Variants in LRRIQ4 observed in about 807,000 individuals in gnomAD.
LRRIQ4 encodes the protein leucine rich repeats and IQ motif containing 4.
A neutral mutation model predicts 40.1 loss-of-function variants in LRRIQ4; 21 were observed. The ratio of observed to expected loss-of-function variants is 0.52; its 90% CI spans 0.37 to 0.75. The LOEUF (loss-of-function observed/expected upper bound fraction) is 0.75. Ranked by LOEUF, LRRIQ4 falls within the 30% of genes least tolerant of loss-of-function variation. LRRIQ4 has a pLI of 0.00. For missense variants in LRRIQ4, 655 were observed against 660.0 expected, an observed-to-expected ratio of 0.99 and a Z score of 0.08; for synonymous variants, 277 against 277.1, an observed-to-expected ratio of 1.00 and a Z score of 0.00.
chr3:169,821,703 A>G (rs1779894299), intron 1 of LRRIQ4, among the ~76,000 whole-genome samples, 188 bp from the exon 2 acceptor site: 1 of 152,032 alleles, frequency 6.6e-6, no homozygotes, highest in African/African-American at 2.4e-5. Flanking sequence ...ATGTGAGTCT[A>G]CGTGTTAGGG....
Position 169,822,618 on chromosome 3 carries a change from T to G in LRRIQ4, c.697T>G (p.Cys233Gly), listed in dbSNP as rs756169912. ...LPVLPASLCQ[C>G]SQLSVLDLSH... The stretch of plus-strand genomic sequence containing the variant: ...CGTTCTGCCCGCGTCCTTGTGCCAG[T>G]GTAGCCAACTGTCGGTGCTCGATTT... The change falls in exon 2 of 6, where the codon TGT (cysteine) becomes GGT (glycine). Residue 233 changes from cysteine to glycine, a missense_variant. Transcript: ENST00000340806. The G allele has an allele frequency of 6.2e-7, 1 of 1,613,964 alleles. No individual in the cohort carries two copies. The highest frequency in any genetic ancestry group is 1.1e-5 in the South Asian group (1 of 91,084).
At chr3:169,823,212 T>C (rs1382205364) in intron 2 of LRRIQ4, among the ~76,000 whole-genome samples, 1 of 152,194 alleles carries the variant, frequency 6.6e-6, no homozygotes, top group Non-Finnish European at 1.5e-5. Context: ...TCACAACGAC[T>C]GTGTCCTCAA....
At chr3:169,817,022 T>C (rs967213475) in intron 1 of LRRIQ4, among the ~76,000 whole-genome samples, 2 of 152,112 alleles carry the variant, frequency 1.3e-5, no homozygotes, top group Non-Finnish European at 2.9e-5. Flanking sequence ...TTAAGATGCA[T>C]CATTACATTG....
In LRRIQ4 at chr3:169,818,592, A is replaced by G. The variant is rs141306204; in HGVS notation, c.-31-3299A>G. 9.8e-5 allele frequency among the ~76,000 whole-genome samples: 15 copies of G among 152,354 alleles called. No individual in the cohort carries two copies. The East Asian group carries it at 1.3e-3, about 14-fold the overall frequency. On this transcript the variant is annotated intron_variant, in intron 1 of 5. Transcript: ENST00000340806. ...TTTATTTCCTGTTTTCAAGGCGAGA[A>G]AGGGAAGATTAGAATACACTTATTG... is the stretch of plus-strand genomic sequence containing the variant.
chr3:169,831,165 G>A (rs1024489805), intron 4 of LRRIQ4, among the ~76,000 whole-genome samples: 5 of 146,186 alleles, frequency 3.4e-5, no homozygotes, highest in Non-Finnish European at 7.4e-5. Flanking sequence ...CACTTAATAT[G>A]CTTTTGCTGA....
At position 169,837,622 on chromosome 3, in the gene LRRIQ4, A is replaced by G. The variant is rs531424559; in HGVS notation, c.1674A>G (p.Lys558=). ...TAAAAGGAAAACCAGGAAAGGGAAA[A>G]AAGAAATAATCCTGTAAATTGATAA... ...KDVKGKPGKG[K]KK Residue 558 remains lysine, a synonymous_variant, in exon 6 of 6, where the codon AAA becomes AAG. Transcript: ENST00000340806. 3.2e-6 allele frequency: 5 copies of G among 1,574,434 alleles called. No homozygotes were observed. In the South Asian group the frequency reaches 4.8e-5, roughly 15 times the overall value.
Position 169,823,642 on chromosome 3 carries a change from G to A in LRRIQ4, c.1020+701G>A, listed in dbSNP as rs574289414. The stretch of plus-strand genomic sequence containing the variant: ...ATTACAAGCGTGAGCCACCGCGCAC[G>A]GCCCAGGGTCTATATTCTTAACAAA... On this transcript the variant is annotated intron_variant, in intron 2 of 5. Coordinates refer to ENST00000340806, the MANE Select transcript of LRRIQ4 (RefSeq NM_001080460.3). Among the ~76,000 whole-genome samples, 5 of 152,228 alleles carry A rather than the reference G, an allele frequency of 3.3e-5. 1 individual carries two copies. Among genetic ancestry groups the A allele is most frequent in the African/African-American group, 7.2e-5 (3 of 41,546 alleles).
Position 169,822,432 on chromosome 3 carries a change from T to C in LRRIQ4, c.511T>C (p.Tyr171His). The change falls in exon 2 of 6, where the codon TAC (tyrosine) becomes CAC (histidine). Residue 171 changes from tyrosine to histidine, a missense_variant. By Grantham distance (83) the Tyr-to-His change is moderately conservative. Transcript: ENST00000340806. ...IVNQTKLREI[Y>H]LKRNQFEVFP... is the part of the protein sequence containing the mutation. ...GAACCAGACCAAGCTGAGGGAGATC[T>C]ACCTGAAGCGAAACCAGTTTGAAGT... 2 of 1,613,768 alleles carry C rather than the reference T, an allele frequency of 1.2e-6. No individual in the cohort carries two copies. The highest frequency in any genetic ancestry group is 1.7e-6 in the Non-Finnish European group (2 of 1,179,754).
At chr3:169,817,620 T>C (rs1040222356) in intron 1 of LRRIQ4, among the ~76,000 whole-genome samples, 2 of 152,240 alleles carry the variant, frequency 1.3e-5, no homozygotes, top group African/African-American at 4.8e-5. Context: ...CAGTGTTGGG[T>C]GCATGTATAT....
In LRRIQ4 at chr3:169,822,954, T is replaced by C. The variant is rs199936154; in HGVS notation, c.1020+13T>C. The C allele has an allele frequency of 4.7e-6, 7 of 1,502,674 alleles. No individual in the cohort carries two copies. The East Asian group carries it at 1.4e-4, about 30-fold the overall frequency. The allele number at this position is 1,502,674 out of a possible 1,614,324, so 93.1% of individuals were successfully genotyped here. A position where few individuals can be genotyped will look rare whatever the true frequency, so the allele number is the denominator to read the frequency against. ...TAAAATAGGACAGGTACGGATTCCT[T>C]TTCTGGCTGTCACTATGCTCTCATC... On this transcript the variant is annotated intron_variant, in intron 2 of 5. Coordinates refer to ENST00000340806, the MANE Select transcript of LRRIQ4 (RefSeq NM_001080460.3).
intron 2 of LRRIQ4, among the ~76,000 whole-genome samples, chr3:169,827,044 C>T (rs183241533): frequency 2.0e-5 from 3 of 152,222 alleles, no homozygotes; most frequent in East Asian, 3.9e-4. Flanking sequence ...CTGTCTATTC[C>T]ACCCATCCAT....
In LRRIQ4 at chr3:169,833,023, C is replaced by G. The variant is rs766569573; in HGVS notation, c.1370C>G (p.Thr457Ser). 1 of 1,613,356 alleles carries G rather than the reference C, an allele frequency of 6.2e-7. No individual in the cohort carries two copies. Among genetic ancestry groups the G allele is most frequent in the South Asian group, 1.1e-5 (1 of 90,760 alleles). The change falls in exon 5 of 6, where the codon ACC (threonine) becomes AGC (serine). Residue 457 changes from threonine to serine, a missense_variant. Coordinates refer to ENST00000340806, the MANE Select transcript of LRRIQ4 (RefSeq NM_001080460.3). ...TTACGGCTGGAGGACAACTTGCTCA[C>G]CCATCTTCCAGAGAATTTGGATTCC... ...KELRLEDNLL[T>S]HLPENLDSLV...
chr3:169,816,820 A>G (rs1190571663), intron 1 of LRRIQ4, among the ~76,000 whole-genome samples: 1 of 151,714 alleles, frequency 6.6e-6, no homozygotes, highest in Non-Finnish European at 1.5e-5. Flanking sequence ...ACAGGCACAC[A>G]CCACAATGCT....
intron 2 of LRRIQ4, among the ~76,000 whole-genome samples, chr3:169,828,357 C>T (rs912108988): frequency 2.6e-5 from 4 of 152,066 alleles, no homozygotes; most frequent in African/African-American, 9.7e-5. Context: ...CTCAGCCTCC[C>T]GAGTAGCTGG....
intron 1 of LRRIQ4, among the ~76,000 whole-genome samples, chr3:169,815,177 C>T (rs1036868670): frequency 2.6e-5 from 4 of 152,044 alleles, no homozygotes; most frequent in Non-Finnish European, 5.9e-5. Context: ...TGAAGAAGGT[C>T]TTTGGTATTT....
chr3:169,822,460 T>TC lies in LRRIQ4; in HGVS notation c.544dup (p.Gln182ProfsTer13), dbSNP rs1015470976. On this transcript the variant is annotated frameshift_variant, in exon 2 of 6. Coordinates refer to ENST00000340806, the MANE Select transcript of LRRIQ4 (RefSeq NM_001080460.3). LOFTEE classifies it high-confidence loss of function. ...CTGAAGCGAAACCAGTTTGAAGTTT[T>TC]CCCCCAGGAGCTCTGTGTTCTCTAC... 6.2e-7 allele frequency: 1 copy of TC among 1,613,764 alleles called. No individual in the cohort carries two copies. The highest frequency in any genetic ancestry group is 1.3e-5 in the African/African-American group (1 of 74,898).
chr3:169,826,370 C>A (rs376529050), intron 2 of LRRIQ4, among the ~76,000 whole-genome samples: 8 of 138,330 alleles, frequency 5.8e-5, no homozygotes, highest in East Asian at 2.1e-4. Flanking sequence ...CCAGCCGAGG[C>A]AAGAAGAGTG....
At chr3:169,821,419 G>T (rs1398007649) in intron 1 of LRRIQ4, among the ~76,000 whole-genome samples, 1 of 152,124 alleles carries the variant, frequency 6.6e-6, no homozygotes, top group Non-Finnish European at 1.5e-5. Flanking sequence ...TGGACCTGAG[G>T]TCGGGAGTTT....
intron 4 of LRRIQ4, 114 bp from the exon 5 acceptor site, chr3:169,832,873 T>C (rs923112297): frequency 1.0e-5 from 9 of 880,312 alleles, no homozygotes; most frequent in Non-Finnish European, 1.6e-5. Flanking sequence ...ATCCTTCCTC[T>C]CATTCCCTTT....
Sources: gnomAD v4.1 joint callset for allele counts (sites outside exome capture counted in the v4.1 genomes callset) on GRCh38, gnomAD v4.1.1 for gene constraint, MANE v1.5 for transcripts, NCBI Gene and HGNC (gene_info 2026-07-23, HGNC 2026-07-21) for gene names.